NAALADL2: variants seen among roughly 807,000 people sequenced by gnomAD.
NAALADL2 encodes the protein inactive N-acetylated-alpha-linked acidic dipeptidase-like protein 2.
NAALADL2 carries 76 observed loss-of-function variants against 87.2 expected under a neutral mutation model. The ratio of observed to expected loss-of-function variants is 0.87; its 90% CI spans 0.72 to 1.05. The LOEUF is 1.05. Among genes scored for constraint, NAALADL2 ranks in the 50% least tolerant of loss-of-function variants. The probability of loss-of-function intolerance (pLI) is 0.00; values close to 1 mark genes in which losing one functional copy is unlikely to be tolerated. For missense variants in NAALADL2, 1,089 were observed against 945.8 expected, an observed-to-expected ratio of 1.15 and a Z score of -1.99; for synonymous variants, 354 against 331.0, an observed-to-expected ratio of 1.07 and a Z score of -0.75.
chr3:175,211,763 G>A (rs990621150), intron 2 of NAALADL2, among the ~76,000 whole-genome samples: 1 of 151,912 alleles, frequency 6.6e-6, no homozygotes, highest in African/African-American at 2.4e-5. Flanking sequence ...ACATTGTGAT[G>A]TGCAATTATA....
chr3:175,602,666 A>T (rs1723136761), intron 10 of NAALADL2, among the ~76,000 whole-genome samples: 1 of 152,214 alleles, frequency 6.6e-6, no homozygotes, highest in Admixed American at 6.5e-5. Context: ...TACAGAGGAA[A>T]TAGCAAAGTT....
chr3:175,314,688 A>ATATATATATATAGTTCTAAC (rs1553857536), intron 4 of NAALADL2, among the ~76,000 whole-genome samples: 7 of 39,610 alleles, frequency 1.8e-4, no homozygotes, highest in African/African-American at 4.5e-4. Flanking sequence ...ATATATATAT[A>ATATATATATATAGTTCTAAC]TATATATATA....
intron 4 of NAALADL2, among the ~76,000 whole-genome samples, chr3:175,301,815 G>C (rs1757121470): frequency 6.6e-6 from 1 of 152,142 alleles, no homozygotes; most frequent in African/African-American, 2.4e-5. Context: ...TAATTTTGAT[G>C]CTTCCACAGT....
At chr3:175,571,558 G>T (rs1008748345) in intron 9 of NAALADL2, among the ~76,000 whole-genome samples, 5 of 152,068 alleles carry the variant, frequency 3.3e-5, no homozygotes, top group African/African-American at 9.7e-5. Flanking sequence ...TGCTTATGAG[G>T]GTTGAGTAGA....
intron 1 of NAALADL2, among the ~76,000 whole-genome samples, chr3:175,081,671 G>T (rs140637022): frequency 1.4e-4 from 21 of 152,078 alleles, no homozygotes; most frequent in Non-Finnish European, 1.3e-4. Context: ...TTTATTTAAG[G>T]CTTCAAAGCA....
At chr3:175,745,288 T>C (rs1282792839) in intron 12 of NAALADL2, among the ~76,000 whole-genome samples, 1 of 152,200 alleles carries the variant, frequency 6.6e-6, no homozygotes, top group Non-Finnish European at 1.5e-5. Flanking sequence ...GGAGAATGAA[T>C]ATTTATTTGT....
intron 5 of NAALADL2, among the ~76,000 whole-genome samples, chr3:175,406,900 G>T (rs1354954322): frequency 6.6e-6 from 1 of 151,912 alleles, no homozygotes; most frequent in Admixed American, 6.6e-5. Context: ...AAAAGTGTCG[G>T]CCGGGCGCTG....
intron 11 of NAALADL2, among the ~76,000 whole-genome samples, chr3:175,729,858 G>A (rs1743434612): frequency 6.8e-6 from 1 of 147,730 alleles, no homozygotes; most frequent in Non-Finnish European, 1.5e-5. Context: ...TTATCTTACA[G>A]CATCAACTTT....
chr3:174,711,869 A>G (rs1730666257), intron 2 of NAALADL2, among the ~76,000 whole-genome samples: 1 of 152,108 alleles, frequency 6.6e-6, no homozygotes, highest in African/African-American at 2.4e-5. Flanking sequence ...GTGTGATCTC[A>G]GCTCACTGTA....
In NAALADL2 at chr3:175,761,488, A is replaced by G. The variant is rs1235223462; in HGVS notation, c.2189+6070A>G. ...TTTTGGTGCAGGCTTTTTTGTGGAC[A>G]TACATTTCAATTTATTTCAGCAGAT... On this transcript the variant is annotated intron_variant, in intron 13 of 13. Coordinates refer to ENST00000454872, the MANE Select transcript of NAALADL2 (RefSeq NM_207015.3). Among the ~76,000 whole-genome samples the G allele has an allele frequency of 2.0e-5, 3 of 152,198 alleles. No homozygotes were observed. The East Asian group carries it at 5.8e-4, about 29-fold the overall frequency.
rs71626203 is a variant in NAALADL2, at chr3:175,223,094, CTGTGTGTGTGTG to C, written c.546-10810_546-10799del. On this transcript the variant is annotated intron_variant, in intron 2 of 13. Coordinates refer to ENST00000454872, the MANE Select transcript of NAALADL2 (RefSeq NM_207015.3). ...ACATTCATCACTACCCATAGTTACTCTGTGTGTGTGTGTGTGTGTGTGTGTGTGTGTGTGTGT... is the reference window on the plus strand; with the variant it reads ...ACATTCATCACTACCCATAGTTACTCTGTGTGTGTGTGTGTGTGTGTGTGT... Among the ~76,000 whole-genome samples the C allele has an allele frequency of 1.3e-3, 193 of 147,568 alleles. 2 individuals are homozygous for C. Among genetic ancestry groups the C allele is most frequent in the South Asian group, 4.1e-3 (19 of 4,622 alleles).
chr3:175,631,370 T>G (rs1727738280), intron 11 of NAALADL2, among the ~76,000 whole-genome samples: 1 of 151,662 alleles, frequency 6.6e-6, no homozygotes, highest in Admixed American at 6.6e-5. Context: ...CATTAAGCAA[T>G]AAAATAAATA....
At chr3:175,243,321 A>AAC (rs113418317) in intron 3 of NAALADL2, among the ~76,000 whole-genome samples, 31,833 of 144,436 alleles carry the variant, frequency 0.22, 3,827 homozygotes, top group Admixed American at 0.36. Context: ...TTTAGAAGGA[A>AAC]ACACACACAC....
chr3:175,236,646 C>G (rs1745946502), intron 3 of NAALADL2, among the ~76,000 whole-genome samples: 2 of 151,830 alleles, frequency 1.3e-5, no homozygotes, highest in Non-Finnish European at 2.9e-5. Context: ...CCAGCAAACT[C>G]TCATAATAAT....
intron 3 of NAALADL2, among the ~76,000 whole-genome samples, chr3:174,769,295 G>GT (rs896428522): frequency 2.6e-5 from 4 of 151,582 alleles, no homozygotes; most frequent in Non-Finnish European, 5.9e-5. Flanking sequence ...TTCAGGTATA[G>GT]TTTTTTTTCT....
intron 4 of NAALADL2, among the ~76,000 whole-genome samples, chr3:175,306,848 C>T (rs189794220): frequency 1.5e-4 from 23 of 152,102 alleles, no homozygotes; most frequent in Admixed American, 1.5e-3. Context: ...TAGAGATACT[C>T]TATAGGACTA....
At chr3:175,521,692 A>T (rs1448160986) in intron 9 of NAALADL2, among the ~76,000 whole-genome samples, 2 of 152,198 alleles carry the variant, frequency 1.3e-5, no homozygotes, top group African/African-American at 4.8e-5. Flanking sequence ...ACGTGAAGAC[A>T]GGGGCAGAGA....
intron 1 of NAALADL2, among the ~76,000 whole-genome samples, chr3:174,998,548 T>C (rs974320563): frequency 2.0e-5 from 3 of 152,204 alleles, no homozygotes; most frequent in African/African-American, 7.2e-5. Flanking sequence ...GGCAGGTCAA[T>C]AGAACCTTAA....
chr3:175,432,483 A>T (rs1717930227), intron 5 of NAALADL2, among the ~76,000 whole-genome samples: 1 of 152,028 alleles, frequency 6.6e-6, no homozygotes, highest in African/African-American at 2.4e-5. Flanking sequence ...AACCCACCAT[A>T]ATAAAGACTC....
Sources: gnomAD v4.1 joint callset for allele counts (sites outside exome capture counted in the v4.1 genomes callset) on GRCh38, gnomAD v4.1.1 for gene constraint, MANE v1.5 for transcripts, NCBI Gene and HGNC (gene_info 2026-07-23, HGNC 2026-07-21) for gene names.